Variants in MAEL observed in about 807,000 individuals in gnomAD.
The protein encoded by MAEL is protein maelstrom homolog.
MAEL carries 46 observed loss-of-function variants against 62.0 expected under a neutral mutation model. That is an observed-to-expected ratio of 0.74 (90% CI 0.59 to 0.95). The LOEUF (loss-of-function observed/expected upper bound fraction) is 0.95. MAEL is among the 40% of genes least tolerant of loss of function. MAEL has a pLI of 0.00. For synonymous variants in MAEL, 172 were observed against 175.5 expected (o/e 0.98, Z 0.16); for missense variants, 497 against 526.8 (o/e 0.94, Z 0.55).
chr1:166,993,413 C>T (rs1664276274), intron 4 of MAEL, among the ~76,000 whole-genome samples: 1 of 152,116 alleles, frequency 6.6e-6, no homozygotes, highest in African/African-American at 2.4e-5. Flanking sequence ...GGTATGAAGA[C>T]ATAGGATTTG....
intron 5 of MAEL, among the ~76,000 whole-genome samples, chr1:167,003,513 C>T (rs1476020059): frequency 6.6e-6 from 1 of 152,246 alleles, no homozygotes; most frequent in South Asian, 2.1e-4. Flanking sequence ...GCTTAAGATA[C>T]CTGGGGGCCT....
intron 9 of MAEL, among the ~76,000 whole-genome samples, chr1:167,016,828 C>T (rs1369660009): frequency 6.6e-6 from 1 of 151,964 alleles, no homozygotes; most frequent in Non-Finnish European, 1.5e-5. Context: ...CAGTCATTTG[C>T]AACAACATAG....
chr1:167,018,872 A>T (rs1665503680), intron 10 of MAEL, among the ~76,000 whole-genome samples: 1 of 152,150 alleles, frequency 6.6e-6, no homozygotes, highest in African/African-American at 2.4e-5. Context: ...CTGTAAAGGG[A>T]TTGAGCATGA....
intron 8 of MAEL, among the ~76,000 whole-genome samples, chr1:167,013,202 A>T (rs1207361815): frequency 2.0e-5 from 3 of 152,212 alleles, no homozygotes; most frequent in Non-Finnish European, 4.4e-5. Flanking sequence ...TAGTGTCAGC[A>T]TTCTTTTCAC....
intron 8 of MAEL, chr1:167,006,159 T>A (rs1664886753): frequency 1.3e-5 from 2 of 152,104 alleles, no homozygotes; most frequent in African/African-American, 4.8e-5. Flanking sequence ...TCAGGAATGT[T>A]GAATATAGGA....
upstream of MAEL, among the ~76,000 whole-genome samples, chr1:166,986,698 C>A (rs905727274): frequency 2.0e-5 from 3 of 151,280 alleles, no homozygotes; most frequent in African/African-American, 7.3e-5. Context: ...AATAAACAGG[C>A]AAGAAAATAA....
Position 167,021,953 on chromosome 1 carries a change from A to G in MAEL, c.*98A>G. 1.4e-6 allele frequency: 1 copy of G among 715,596 alleles called. No individual in the cohort carries two copies. The highest frequency in any genetic ancestry group is 2.2e-6 in the Non-Finnish European group (1 of 452,846). The allele number at this position is 715,596 out of a possible 1,614,324, so 44.3% of individuals were successfully genotyped here. On this transcript the variant is annotated 3_prime_UTR_variant, in exon 12 of 12. Transcript: ENST00000367872. ...GATCACATCAATGACAAATGTCACT[A>G]CTATAAAAACTACTTAATTTGTAAG...
chr1:167,017,747 T>C, intron 9 of MAEL, 80 bp from the exon 10 acceptor site: 1 of 1,368,606 alleles, frequency 7.3e-7, no homozygotes, highest in East Asian at 2.4e-5. Flanking sequence ...TGCTTTCTTT[T>C]TGTTAGAGAT....
At chr1:166,998,029 C>T (rs1664500756) in intron 5 of MAEL, among the ~76,000 whole-genome samples, 1 of 152,036 alleles carries the variant, frequency 6.6e-6, no homozygotes, top group South Asian at 2.1e-4. Context: ...ATCTTTTGTT[C>T]TCTTTATTCT....
In MAEL at chr1:167,019,972, A is replaced by T. The variant is rs542538105; in HGVS notation, c.1042-1113A>T. Among the ~76,000 whole-genome samples the T allele has an allele frequency of 3.3e-5, 5 of 152,174 alleles. No individual in the cohort carries two copies. The East Asian group carries it at 9.6e-4, about 29-fold the overall frequency. ...CAATAATCTTGTCTTCTACCTAACA[A>T]TCATATCCTGGACCCCAGTGGTACC... On this transcript the variant is annotated intron_variant, in intron 10 of 11. Coordinates refer to ENST00000367872, the MANE Select transcript of MAEL (RefSeq NM_032858.3).
At chr1:167,017,511 T>C (rs1456472884) in intron 9 of MAEL, among the ~76,000 whole-genome samples, 4 of 152,158 alleles carry the variant, frequency 2.6e-5, no homozygotes, top group African/African-American at 9.7e-5. Flanking sequence ...TGTTTATGGT[T>C]GTAGTGTTAT....
At chr1:167,012,749 A>G (rs1665222129) in intron 8 of MAEL, among the ~76,000 whole-genome samples, 1 of 152,188 alleles carries the variant, frequency 6.6e-6, no homozygotes, top group East Asian at 1.9e-4. Context: ...GCAGCCATGC[A>G]AAAAATGGTA....
At position 166,978,753 on chromosome 1, in the gene MAEL, A is replaced by C. The variant is rs563196375; in HGVS notation, c.-121+3087A>C. Among the ~76,000 whole-genome samples, 5 of 152,340 alleles carry C rather than the reference A, an allele frequency of 3.3e-5. No homozygotes were observed. The East Asian group carries it at 9.6e-4, about 29-fold the overall frequency. On this transcript the variant is annotated intron_variant, in intron 1 of 12. Coordinates refer to the MAEL transcript ENST00000622874. Reference sequence around the variant, plus strand: ...TGAGCCTTGTATCTGGTTAAGCTCCAGTTGTTCATTCATTCTGACCTAATA... The same window carrying C: ...TGAGCCTTGTATCTGGTTAAGCTCCCGTTGTTCATTCATTCTGACCTAATA...
rs560384666 is a variant in MAEL, at chr1:167,011,985, A to G, written c.846-4237A>G. Among the ~76,000 whole-genome samples the G allele has an allele frequency of 2.0e-5, 3 of 152,214 alleles. No individual in the cohort carries two copies. In the East Asian group the frequency reaches 5.8e-4, roughly 29 times the overall value. On this transcript the variant is annotated intron_variant, in intron 8 of 11. Coordinates refer to ENST00000367872, the MANE Select transcript of MAEL (RefSeq NM_032858.3). ...TGCCGTGGGATTTTGTTAAAGGTAAAACTCTTACATAGTACTGTAGGCACT... is the reference window on the plus strand; with the variant it reads ...TGCCGTGGGATTTTGTTAAAGGTAAGACTCTTACATAGTACTGTAGGCACT...
chr1:167,013,201 C>T lies in MAEL; in HGVS notation c.846-3021C>T, dbSNP rs537341346. Among the ~76,000 whole-genome samples, 6 of 152,314 alleles carry T rather than the reference C, an allele frequency of 3.9e-5. No homozygotes were observed. In the South Asian group the frequency reaches 1.2e-3, roughly 32 times the overall value. On this transcript the variant is annotated intron_variant, in intron 8 of 11. Coordinates refer to ENST00000367872, the MANE Select transcript of MAEL (RefSeq NM_032858.3). Reference sequence around the variant, plus strand: ...AGTGAAGCGGTTTGGGTAGTGTCAGCATTCTTTTCACTATGTGCTGGGCAC... The same window carrying T: ...AGTGAAGCGGTTTGGGTAGTGTCAGTATTCTTTTCACTATGTGCTGGGCAC...
At chr1:167,019,686 G>T (rs905142364) in intron 10 of MAEL, among the ~76,000 whole-genome samples, 1 of 151,984 alleles carries the variant, frequency 6.6e-6, no homozygotes, top group African/African-American at 2.4e-5. Flanking sequence ...GTCCTTGATC[G>T]TGGCCTCCAG....
intron 5 of MAEL, among the ~76,000 whole-genome samples, chr1:167,000,937 G>A (rs1664633752): frequency 1.3e-5 from 2 of 152,184 alleles, no homozygotes; most frequent in Admixed American, 6.5e-5. Flanking sequence ...ATACGAAAAG[G>A]ATAACTTGCA....
chr1:167,017,362 C>T (rs1168770328), intron 9 of MAEL, among the ~76,000 whole-genome samples: 3 of 152,106 alleles, frequency 2.0e-5, no homozygotes, highest in African/African-American at 7.2e-5. Flanking sequence ...ATGGGTGAAC[C>T]TTCAGAACCA....
chr1:166,985,499 A>G (rs1204235867), upstream of MAEL, among the ~76,000 whole-genome samples: 1 of 152,248 alleles, frequency 6.6e-6, no homozygotes, highest in Non-Finnish European at 1.5e-5. Context: ...TATTCCCATC[A>G]GCCAAAGTGG....
Sources: gnomAD v4.1 joint callset for allele counts (sites outside exome capture counted in the v4.1 genomes callset) on GRCh38, gnomAD v4.1.1 for gene constraint, MANE v1.5 for transcripts, NCBI Gene and HGNC (gene_info 2026-07-23, HGNC 2026-07-21) for gene names.